HDGFL3: variants seen among roughly 807,000 people sequenced by gnomAD.
HDGFL3 encodes hepatoma-derived growth factor-related protein 3.
A neutral mutation model predicts 27.6 loss-of-function variants in HDGFL3; 6 were observed. That is an observed-to-expected ratio of 0.22 (90% CI 0.12 to 0.43). The LOEUF (loss-of-function observed/expected upper bound fraction) is 0.43. Ranked by LOEUF, HDGFL3 falls within the 20% of genes least tolerant of loss-of-function variation. The pLI is 1.00. For synonymous variants in HDGFL3, 88 were observed against 88.9 expected (o/e 0.99, Z 0.05); for missense variants, 207 against 250.1 (o/e 0.83, Z 1.16).
chr15:83,127,019 C>T (rs781692201), downstream of HDGFL3, among the ~76,000 whole-genome samples: 46 of 152,150 alleles, frequency 3.0e-4, 1 homozygote, highest in Middle Eastern at 6.8e-3. Context: ...GGTGAAACCC[C>T]ATCTCTACTG....
chr15:83,162,372 A>G (rs1352357932), intron 2 of HDGFL3, among the ~76,000 whole-genome samples: 1 of 152,166 alleles, frequency 6.6e-6, no homozygotes, highest in Non-Finnish European at 1.5e-5. Flanking sequence ...CTGCCTCTGG[A>G]TGATCAAACC....
chr15:83,168,294 G>T (rs1056921097), intron 1 of HDGFL3, among the ~76,000 whole-genome samples: 1 of 141,868 alleles, frequency 7.0e-6, no homozygotes, highest in Admixed American at 7.0e-5. Flanking sequence ...AAGAAGAAAA[G>T]AAATACCAAA....
intron 1 of HDGFL3, among the ~76,000 whole-genome samples, chr15:83,204,745 T>C (rs975345966): frequency 6.6e-6 from 1 of 152,232 alleles, no homozygotes; most frequent in African/African-American, 2.4e-5. Context: ...ACTCTGTATT[T>C]GTGAGGTGAG....
chr15:83,139,803 A>C (rs141832774), intron 5 of HDGFL3, among the ~76,000 whole-genome samples: 3 of 152,332 alleles, frequency 2.0e-5, no homozygotes, highest in Admixed American at 6.5e-5. Context: ...TTTAAAAAAA[A>C]CATAAAGAAT....
Position 83,113,856 on chromosome 15 carries a change from C to T in HDGFL3, c.*1853G>A, listed in dbSNP as rs138772757. 4.1e-4 allele frequency: 62 copies of T among 152,366 alleles called. No individual in the cohort carries two copies. In the East Asian group the frequency reaches 0.011, roughly 27 times the overall value. The allele number at this position is 152,366 out of a possible 1,614,324, so 9.4% of individuals were successfully genotyped here. On this transcript the variant is annotated 3_prime_UTR_variant, in exon 4 of 4. Coordinates refer to the HDGFL3 transcript ENST00000568294. ...CTTACTCCCACCCATATTCCAATGG[C>T]TGAGATGAGGCATAGGGCCAAGCCC... is the stretch of plus-strand genomic sequence containing the variant.
At chr15:83,155,031 C>T (rs1316044007) in intron 4 of HDGFL3, among the ~76,000 whole-genome samples, 1 of 151,888 alleles carries the variant, frequency 6.6e-6, no homozygotes, top group Non-Finnish European at 1.5e-5. Flanking sequence ...TCACTCCTGG[C>T]TAATTTTATT....
chr15:83,162,922 T>A (rs191566750), intron 2 of HDGFL3, among the ~76,000 whole-genome samples: 2 of 152,368 alleles, frequency 1.3e-5, no homozygotes, highest in Admixed American at 1.3e-4. Flanking sequence ...TCCTAGTGTG[T>A]CAAAGATTGC....
At chr15:83,126,064 C>G (rs552704394), downstream of HDGFL3, among the ~76,000 whole-genome samples, 1 of 152,128 alleles carries the variant, frequency 6.6e-6, no homozygotes, top group African/African-American at 2.4e-5. Context: ...TCCCTGTGCA[C>G]GAGAAAAATG....
At chr15:83,150,730 T>C (rs1212341752) in intron 5 of HDGFL3, among the ~76,000 whole-genome samples, 1 of 152,208 alleles carries the variant, frequency 6.6e-6, no homozygotes, top group Admixed American at 6.5e-5. Flanking sequence ...AGAGTCATCA[T>C]AGACAAATTT....
chr15:83,166,390 T>A (rs952107308), intron 1 of HDGFL3, among the ~76,000 whole-genome samples: 1 of 152,074 alleles, frequency 6.6e-6, no homozygotes, highest in African/African-American at 2.4e-5. Flanking sequence ...AGAAATAAAA[T>A]ATTTTCCAGA....
At chr15:83,187,181 G>C (rs1300594090) in intron 1 of HDGFL3, among the ~76,000 whole-genome samples, 3 of 145,848 alleles carry the variant, frequency 2.1e-5, no homozygotes, top group African/African-American at 5.3e-5. Context: ...TTTAAACAGA[G>C]ACATTGTTTG....
At chr15:83,150,987 C>T (rs902265249) in intron 5 of HDGFL3, among the ~76,000 whole-genome samples, 6 of 152,104 alleles carry the variant, frequency 3.9e-5, no homozygotes, top group African/African-American at 1.2e-4. Flanking sequence ...GAAAAATAAA[C>T]CTGTTCATAG....
chr15:83,200,244 G>C (rs930678533), intron 1 of HDGFL3, among the ~76,000 whole-genome samples: 2 of 151,164 alleles, frequency 1.3e-5, no homozygotes, highest in African/African-American at 4.9e-5. Flanking sequence ...TACTCGGGAG[G>C]CTGAGGCAGG....
rs946409401 is a variant in HDGFL3 at position 83,135,693 on chromosome 15, A to G, written c.*3577T>C. On this transcript the variant is annotated 3_prime_UTR_variant, in exon 6 of 6. Transcript: ENST00000299633. ...CTGAATGTGTTTTCTGAATAAGTAT[A>G]TAAGTAGAGAGGGAGGCCATTTTGC... The G allele has an allele frequency of 2.0e-5, 3 of 152,236 alleles. No homozygotes were observed. Among genetic ancestry groups the G allele is most frequent in the Admixed American group, 6.5e-5 (1 of 15,282 alleles). 9.4% of individuals were successfully genotyped at this position (152,236 alleles called of 1,614,324 possible).
rs772651641 is a variant in HDGFL3 at position 83,133,975 on chromosome 15, C to T, written c.*5295G>A. 3.9e-5 allele frequency: 6 copies of T among 152,200 alleles called. No individual in the cohort carries two copies. Among genetic ancestry groups the T allele is most frequent in the Non-Finnish European group, 8.8e-5 (6 of 68,024 alleles). 9.4% of individuals were successfully genotyped at this position (152,200 alleles called of 1,614,324 possible). A position where few individuals can be genotyped will look rare whatever the true frequency, so the allele number is the denominator to read the frequency against. On this transcript the variant is annotated 3_prime_UTR_variant, in exon 6 of 6. Transcript: ENST00000299633. ...CACTGGCCTTAGAGTTCTTCTCTCA[C>T]ATACAAATGCCTCTTTTGATTATGA... is the stretch of plus-strand genomic sequence containing the variant.
chr15:83,114,105 C>T (rs2034437921), exon 4 of HDGFL3: 2 of 152,620 alleles, frequency 1.3e-5, no homozygotes, highest in South Asian at 4.1e-4. Flanking sequence ...TCTCCACTAG[C>T]CTGTGCTCTG....
At position 83,157,923 on chromosome 15, in the gene HDGFL3, C is replaced by T. The variant is rs2037053982; in HGVS notation, c.280G>A (p.Val94Ile). 1 of 1,612,034 alleles carries T rather than the reference C, an allele frequency of 6.2e-7. No individual in the cohort carries two copies. The highest frequency in any genetic ancestry group is 8.5e-7 in the Non-Finnish European group (1 of 1,179,344). The stretch of plus-strand genomic sequence containing the variant: ...ATTACCTGGTAGCCAGTAAACTTTA[C>T]TCCTGGGTTATTTTCTATTTCCCAC... ...GLWEIENNPG[V>I]KFTGYQAIQQ... Residue 94 changes from valine (V) to isoleucine (I), a missense_variant, in exon 3 of 6, where the codon GTA (valine) becomes ATA (isoleucine). Physicochemically the swap from Val to Ile is conservative, Grantham distance 29. Transcript: ENST00000299633.
At chr15:83,119,585 C>G (rs377157481) in intron 3 of HDGFL3, 9 of 1,614,016 alleles carry the variant, frequency 5.6e-6, no homozygotes, top group Non-Finnish European at 7.6e-6. Context: ...TAGGGTGAAC[C>G]GTATCTGAAC....
Position 83,157,592 on chromosome 15 carries a change from T to C in HDGFL3, c.301-19A>G. 6.3e-7 allele frequency: 1 copy of C among 1,594,152 alleles called. No individual in the cohort carries two copies. On this transcript the variant is annotated intron_variant, in intron 3 of 5. Transcript: ENST00000299633. ...GAATTGCCTAAGAAATAATAAAATA[T>C]TAGCTGATTACATTTTTGAAAAAAT...
Sources: allele counts gnomAD v4.1 joint callset (sites outside exome capture counted in the v4.1 genomes callset), GRCh38; gene constraint gnomAD v4.1.1; transcripts MANE v1.5; gene names NCBI Gene and HGNC (gene_info 2026-07-23, HGNC 2026-07-21).